DGKI: variants seen among roughly 807,000 people sequenced by gnomAD.
DGKI encodes the protein DAG kinase iota.
DGKI carries 55 observed loss-of-function variants against 147.5 expected under a neutral mutation model. The ratio of observed to expected loss-of-function variants is 0.37; its 90% CI spans 0.30 to 0.47. The LOEUF (loss-of-function observed/expected upper bound fraction) is 0.47, where lower values mean the gene tolerates loss of function less well. Among genes scored for constraint, DGKI ranks in the 20% least tolerant of loss-of-function variants. The probability of loss-of-function intolerance (pLI) is 1.00; values close to 1 mark genes in which losing one functional copy is unlikely to be tolerated. For missense variants in DGKI, 1,007 were observed against 1,323.8 expected (o/e 0.76, Z 3.71); for synonymous variants, 469 against 477.1 (o/e 0.98, Z 0.22).
intron 20 of DGKI, among the ~76,000 whole-genome samples, chr7:137,550,901 G>A (rs961156325): frequency 1.5e-4 from 23 of 152,056 alleles, no homozygotes; most frequent in Non-Finnish European, 3.2e-4. Flanking sequence ...GCAAACCCTT[G>A]GTCCATTTAA....
At chr7:137,393,217 CTATTTCCATTTTTTTT>C (rs1811429523) in intron 32 of DGKI, among the ~76,000 whole-genome samples, 1 of 98,730 alleles carries the variant, frequency 1.0e-5, no homozygotes, top group African/African-American at 2.8e-5. Flanking sequence ...TAAAAACAAG[CTATTTCCATTTTTTTT>C]TAAAAAAAGC....
At chr7:137,529,709 T>A (rs1459107432) in intron 20 of DGKI, among the ~76,000 whole-genome samples, 1 of 152,246 alleles carries the variant, frequency 6.6e-6, no homozygotes, top group African/African-American at 2.4e-5. Context: ...TCACTGTTAC[T>A]GGCTCGTTGA....
At chr7:137,552,956 A>G (rs904962967) in intron 19 of DGKI, among the ~76,000 whole-genome samples, 1 of 152,092 alleles carries the variant, frequency 6.6e-6, no homozygotes, top group Non-Finnish European at 1.5e-5. Flanking sequence ...CCCCAAGTCC[A>G]TTGTACATAA....
chr7:137,426,410 A>G (rs1280452128), intron 28 of DGKI, among the ~76,000 whole-genome samples: 1 of 152,290 alleles, frequency 6.6e-6, no homozygotes, highest in Admixed American at 6.5e-5. Flanking sequence ...CACTAAACAT[A>G]GAAAGGAACA....
At chr7:137,467,599 C>CA (rs1294572108) in intron 24 of DGKI, among the ~76,000 whole-genome samples, 2 of 151,786 alleles carry the variant, frequency 1.3e-5, no homozygotes, top group East Asian at 1.9e-4. Flanking sequence ...GCCAAAACAG[C>CA]AAAAAAATTA....
At chr7:137,815,064 T>TAA (rs201092080) in intron 1 of DGKI, among the ~76,000 whole-genome samples, 1 of 144,728 alleles carries the variant, frequency 6.9e-6, no homozygotes, top group Middle Eastern at 3.5e-3. Flanking sequence ...CAGGAAAAAA[T>TAA]AAAAAAAAAA....
At chr7:137,428,852 G>GTC (rs2128910099) in intron 28 of DGKI, among the ~76,000 whole-genome samples, 1 of 152,174 alleles carries the variant, frequency 6.6e-6, no homozygotes, top group African/African-American at 2.4e-5. Flanking sequence ...CAAGGGATGC[G>GTC]AAGGACCTCT....
intron 21 of DGKI, among the ~76,000 whole-genome samples, chr7:137,515,583 T>C (rs1187236746): frequency 1.3e-5 from 2 of 152,116 alleles, no homozygotes; most frequent in Non-Finnish European, 2.9e-5. Flanking sequence ...CTTATGTTAT[T>C]AAAGACATTT....
chr7:137,648,185 C>T (rs928275291), intron 5 of DGKI, among the ~76,000 whole-genome samples: 12 of 151,762 alleles, frequency 7.9e-5, no homozygotes, highest in Admixed American at 3.9e-4. Context: ...TAGCAGAAGC[C>T]GAGGGAAAAG....
At chr7:137,616,728 T>C in intron 8 of DGKI, among the ~76,000 whole-genome samples, 1 of 152,052 alleles carries the variant, frequency 6.6e-6, no homozygotes, top group South Asian at 2.1e-4. Context: ...AATTAAGTAA[T>C]TTCGTAATGA....
chr7:137,464,513 G>A (rs4270902), intron 26 of DGKI, among the ~76,000 whole-genome samples: 13,371 of 152,108 alleles, frequency 0.088, 1,969 homozygotes, highest in African/African-American at 0.31. Context: ...CCACCTTTGG[G>A]GCTCCCAGGG....
chr7:137,423,005 T>C (rs1162190368), intron 28 of DGKI, among the ~76,000 whole-genome samples: 3 of 152,210 alleles, frequency 2.0e-5, no homozygotes, highest in Admixed American at 6.5e-5. Flanking sequence ...TGTTGGAAAC[T>C]GATGTAGCAA....
At chr7:137,522,145 A>C (rs1816984003) in intron 20 of DGKI, among the ~76,000 whole-genome samples, 179 bp from the exon 21 acceptor site, 1 of 152,132 alleles carries the variant, frequency 6.6e-6, no homozygotes, top group African/African-American at 2.4e-5. Flanking sequence ...CTTCTCCAGA[A>C]ACCAAAAGTT....
At chr7:137,733,300 T>C (rs1189561650) in intron 1 of DGKI, among the ~76,000 whole-genome samples, 1 of 152,038 alleles carries the variant, frequency 6.6e-6, no homozygotes, top group Non-Finnish European at 1.5e-5. Context: ...CTCTATGTAT[T>C]TGATGACTGT....
At chr7:137,767,948 G>A (rs1563188744) in intron 1 of DGKI, among the ~76,000 whole-genome samples, 1 of 152,158 alleles carries the variant, frequency 6.6e-6, no homozygotes. Flanking sequence ...ATGAGAGGCA[G>A]AAGGATCACC....
chr7:137,598,497 C>A (rs1484028523), intron 11 of DGKI, among the ~76,000 whole-genome samples: 1 of 152,164 alleles, frequency 6.6e-6, no homozygotes, highest in Non-Finnish European at 1.5e-5. Context: ...CCACTTACAC[C>A]TCCAACCCAA....
intron 19 of DGKI, among the ~76,000 whole-genome samples, chr7:137,563,982 T>C (rs1320158911): frequency 3.9e-5 from 6 of 152,114 alleles, no homozygotes; most frequent in Non-Finnish European, 5.9e-5. Flanking sequence ...GAAAACACTG[T>C]TAGAACAATA....
intron 1 of DGKI, among the ~76,000 whole-genome samples, chr7:137,803,548 G>A (rs190326475): frequency 9.9e-5 from 15 of 152,150 alleles, no homozygotes; most frequent in African/African-American, 3.6e-4. Flanking sequence ...TCTTTATGAT[G>A]TCTACTAAGA....
chr7:137,749,125 T>G (rs1795425838), intron 1 of DGKI, among the ~76,000 whole-genome samples: 1 of 152,230 alleles, frequency 6.6e-6, no homozygotes, highest in South Asian at 2.1e-4. Context: ...ACTTTTTCCT[T>G]CAAGCTCTGA....
Sources: allele counts gnomAD v4.1 joint callset (sites outside exome capture counted in the v4.1 genomes callset), GRCh38; gene constraint gnomAD v4.1.1; transcripts MANE v1.5; gene names NCBI Gene and HGNC (gene_info 2026-07-23, HGNC 2026-07-21).